The following VPS11 variants were observed in gnomAD, a reference collection of about 807,000 sequenced individuals.
VPS11 encodes the protein VPS11 core subunit of CORVET and HOPS complexes, also known as vacuolar protein sorting-associated protein 11 homolog.
Under a neutral mutation model 106.8 loss-of-function variants are expected in VPS11, and 51 were observed. The observed-to-expected ratio is 0.48, with a 90% CI of 0.38 to 0.60. The LOEUF (loss-of-function observed/expected upper bound fraction) is 0.60. Ranked by LOEUF, VPS11 falls within the 20% of genes least tolerant of loss-of-function variation. The pLI, the probability that VPS11 is intolerant of heterozygous loss-of-function variation, is 0.00. For synonymous variants in VPS11, 453 were observed against 458.7 expected, an observed-to-expected ratio of 0.99 and a Z score of 0.16; for missense variants, 950 against 1,190.0, an observed-to-expected ratio of 0.80 and a Z score of 2.97.
chr11:119,081,054 C>T, intron 14 of VPS11, 38 bp from the exon 15 acceptor site: 2 of 1,588,848 alleles, frequency 1.3e-6, no homozygotes, highest in Non-Finnish European at 1.7e-6. Context: ...GCCTTGCCCT[C>T]ACTTTTGCCA....
rs782697669 is a variant in VPS11 at position 119,079,109 on chromosome 11, C to G, written c.2267-20C>G. 3.7e-6 allele frequency: 6 copies of G among 1,612,752 alleles called. No individual in the cohort carries two copies. The Admixed American group carries it at 8.3e-5, about 22-fold the overall frequency. On this transcript the variant is annotated intron_variant, in intron 13 of 15. Coordinates refer to ENST00000621676, the MANE Select transcript of VPS11 (RefSeq NM_021729.6). ...CACACGTGGTTGATTGTCTTGTTTC[C>G]TCTTGGACCCCAATCTCAGTGGTGC...
At chr11:119,074,021 C>A in intron 7 of VPS11, 70 bp downstream of exon 7, 1 of 1,512,644 alleles carries the variant, frequency 6.6e-7, no homozygotes, top group Non-Finnish European at 9.0e-7. Context: ...TAAAGCCCAT[C>A]CATGCTCCAG....
In VPS11 at chr11:119,081,539, C is replaced by T. The variant is rs782733990; in HGVS notation, c.2742C>T (p.Thr914=). 15 of 1,613,842 alleles carry T rather than the reference C, an allele frequency of 9.3e-6. No individual in the cohort carries two copies. Among genetic ancestry groups the T allele is most frequent in the East Asian group, 6.7e-5 (3 of 44,880 alleles). ...RGVFNKLTLL[T]DPPTARLTSS... ...TTTTCAACAAATTGACTCTGCTGAC[C>T]GACCCTCCCACAGCCAGACTGACCT... Residue 914 remains threonine, a synonymous_variant, in exon 16 of 16, where the codon ACC becomes ACT. Coordinates refer to ENST00000621676, the MANE Select transcript of VPS11 (RefSeq NM_021729.6).
intron 1 of VPS11, 81 bp downstream of exon 1, chr11:119,068,091 G>A: frequency 6.9e-7 from 1 of 1,439,372 alleles, no homozygotes; most frequent in Non-Finnish European, 9.3e-7. Context: ...TGTCGGAGGG[G>A]TCCGTGCCGC....
chr11:119,080,368 AT>A (rs968223829), intron 14 of VPS11, among the ~76,000 whole-genome samples: 4 of 147,396 alleles, frequency 2.7e-5, no homozygotes, highest in Admixed American at 6.8e-5. Flanking sequence ...AAATAGGCAA[AT>A]TTTTTTTTTC....
Position 119,078,030 on chromosome 11 carries a change from C to T in VPS11, c.1725C>T (p.Leu575=), listed in dbSNP as rs782324655. Residue 575 remains leucine, a synonymous_variant, in exon 10 of 16, where the codon CTC becomes CTT. Transcript: ENST00000621676. ...TTTGTACTGATTATCGGCCCAGCCTCGAAGGCCGCAGCGATAGGGAGGCCC... is the reference window on the plus strand; with the variant it reads ...TTTGTACTGATTATCGGCCCAGCCTTGAAGGCCGCAGCGATAGGGAGGCCC... ...KGLCTDYRPS[L]EGRSDREAPG... 2.2e-5 allele frequency: 35 copies of T among 1,612,474 alleles called. No homozygotes were observed. The highest frequency in any genetic ancestry group is 1.6e-4 in the Middle Eastern group (1 of 6,084).
At position 119,069,299 on chromosome 11, in the gene VPS11, T is replaced by C; in HGVS notation, c.291T>C (p.Asn97=). 1.9e-6 allele frequency: 3 copies of C among 1,613,930 alleles called. No homozygotes were observed. Among genetic ancestry groups the C allele is most frequent in the Non-Finnish European group, 2.5e-6 (3 of 1,179,874 alleles). ...ACCTGTACCAACTGAAGCAGCACAA[T>C]ATTCTGGCATCTGTTGGAGAAGATG... ...VTHLYQLKQH[N]ILASVGEDEE... Residue 97 remains asparagine (N), a synonymous_variant, in exon 2 of 16, where the codon AAT becomes AAC. Coordinates refer to ENST00000621676, the MANE Select transcript of VPS11 (RefSeq NM_021729.6).
rs782255304 is a variant in VPS11, at chr11:119,069,190, C to G, written c.188-6C>G. The G allele has an allele frequency of 4.3e-6, 7 of 1,613,734 alleles. No individual in the cohort carries two copies. In the African/African-American group the frequency reaches 9.3e-5, roughly 22 times the overall value. On this transcript the variant is annotated splice_region_variant and splice_polypyrimidine_tract_variant and intron_variant, in intron 1 of 15. Coordinates refer to ENST00000621676, the MANE Select transcript of VPS11 (RefSeq NM_021729.6). ...TTGGAAAGGAGGCTCCTTGACTACC[C>G]TGCACATATGGAAGGCCAGATCTGG... is the stretch of plus-strand genomic sequence containing the variant.
chr11:119,079,045 C>T (rs1244547833), intron 13 of VPS11, 48 bp downstream of exon 13: 4 of 1,612,574 alleles, frequency 2.5e-6, no homozygotes, highest in East Asian at 2.2e-5. Flanking sequence ...GACAGCTGGG[C>T]TCTGTGGCAG....
rs782199848 is a variant in VPS11, at chr11:119,078,322, G to A, written c.1911G>A (p.Glu637=). 6.2e-7 allele frequency: 1 copy of A among 1,610,870 alleles called. No homozygotes were observed. Among genetic ancestry groups the A allele is most frequent in the African/African-American group, 1.3e-5 (1 of 74,906 alleles). ...LELRLQNWAH[E]KDPQVKEKLH... ...TGCGACTGCAGAACTGGGCCCACGA[G>A]AAGGATCCACAGGTGAGGCCTGGCC... Residue 637 remains glutamate (E), a synonymous_variant, in exon 11 of 16, where the codon GAG becomes GAA. Transcript: ENST00000621676.
chr11:119,074,243 C>T (rs1945513840), intron 7 of VPS11, among the ~76,000 whole-genome samples: 1 of 152,102 alleles, frequency 6.6e-6, no homozygotes, highest in Non-Finnish European at 1.5e-5. Flanking sequence ...TGCCACCACA[C>T]CTGGCTAATT....
At chr11:119,080,313 C>T (rs1011779817) in intron 14 of VPS11, among the ~76,000 whole-genome samples, 1 of 152,122 alleles carries the variant, frequency 6.6e-6, no homozygotes, top group East Asian at 1.9e-4. Context: ...CTGCCTTGGC[C>T]TCCCAAAGTG....
chr11:119,079,395 A>C (rs904500510), intron 14 of VPS11, 95 bp downstream of exon 14: 3 of 1,387,276 alleles, frequency 2.2e-6, no homozygotes, highest in African/African-American at 2.9e-5. Context: ...GATACTATGG[A>C]GTGCTTTTGA....
Position 119,070,206 on chromosome 11 carries a change from C to G in VPS11, c.473-28C>G, listed in dbSNP as rs529235212. 17 of 1,588,254 alleles carry G rather than the reference C, an allele frequency of 1.1e-5. No individual in the cohort carries two copies. In the African/African-American group the frequency reaches 1.9e-4, roughly 18 times the overall value. On this transcript the variant is annotated intron_variant, in intron 3 of 15. Transcript: ENST00000621676. Reference sequence around the variant, plus strand: ...CCACTTCCTGATCTTTTCAGCCTTACTGAAGTAATTTTCTTGTTTTCTTAC... The same window carrying G: ...CCACTTCCTGATCTTTTCAGCCTTAGTGAAGTAATTTTCTTGTTTTCTTAC...
At chr11:119,075,542 T>TTAAAAAAAAA (rs1555202803) in intron 7 of VPS11, among the ~76,000 whole-genome samples, 1 of 111,634 alleles carries the variant, frequency 9.0e-6, no homozygotes. Flanking sequence ...CTGTCTCCAC[T>TTAAAAAAAAA]AAAAAAAAAA....
At chr11:119,071,543 C>A in intron 4 of VPS11, 53 bp from the exon 5 acceptor site, 1 of 1,597,222 alleles carries the variant, frequency 6.3e-7, no homozygotes, top group South Asian at 1.1e-5. Flanking sequence ...TTTGTGAAGG[C>A]TTAGAGTTAC....
At chr11:119,080,864 C>A (rs1428884571) in intron 14 of VPS11, among the ~76,000 whole-genome samples, 1 of 152,186 alleles carries the variant, frequency 6.6e-6, no homozygotes, top group East Asian at 1.9e-4. Flanking sequence ...ACAGAGGAAA[C>A]AATCCCCAGG....
intron 1 of VPS11, among the ~76,000 whole-genome samples, chr11:119,068,735 C>T (rs1359026500): frequency 3.3e-5 from 5 of 150,946 alleles, no homozygotes; most frequent in Non-Finnish European, 5.9e-5. Context: ...AGTGAGCCAT[C>T]GCGCCCGGCG....
chr11:119,069,953 G>A (rs973891345), intron 3 of VPS11, among the ~76,000 whole-genome samples: 1 of 151,536 alleles, frequency 6.6e-6, no homozygotes, highest in African/African-American at 2.4e-5. Context: ...AGCCAAGATC[G>A]CGCCATTGCA....
Sources: allele counts gnomAD v4.1 joint callset (sites outside exome capture counted in the v4.1 genomes callset), GRCh38; gene constraint gnomAD v4.1.1; transcripts MANE v1.5; gene names NCBI Gene and HGNC (gene_info 2026-07-23, HGNC 2026-07-21).